The following ARHGAP39 variants were observed in gnomAD, a reference collection of about 807,000 sequenced individuals.
ARHGAP39 encodes the protein rho GTPase-activating protein 39.
Under a neutral mutation model 106.9 loss-of-function variants are expected in ARHGAP39, and 44 were observed. That is an observed-to-expected ratio of 0.41 (90% CI 0.32 to 0.53). The LOEUF is 0.53. Among genes scored for constraint, ARHGAP39 ranks in the 20% least tolerant of loss-of-function variants. The pLI is 0.21. For missense variants in ARHGAP39, 1,496 were observed against 1,577.3 expected (o/e 0.95, Z 0.87); for synonymous variants, 768 against 693.2 (o/e 1.11, Z -1.69).
At chr8:144,603,247 G>C (rs537935827) in intron 2 of ARHGAP39, among the ~76,000 whole-genome samples, 1 of 151,658 alleles carries the variant, frequency 6.6e-6, no homozygotes, top group East Asian at 1.9e-4. Context: ...GCGTGCGTGT[G>C]TGCTCGTGTA....
At chr8:144,609,647 C>T (rs551324381) in intron 1 of ARHGAP39, among the ~76,000 whole-genome samples, 14 of 152,120 alleles carry the variant, frequency 9.2e-5, no homozygotes, top group African/African-American at 2.4e-4. Context: ...CATGATCCAC[C>T]GCCTCAGCCT....
At chr8:144,532,896 C>A (rs1422469687) in intron 9 of ARHGAP39, among the ~76,000 whole-genome samples, 5 of 152,228 alleles carry the variant, frequency 3.3e-5, no homozygotes, top group Non-Finnish European at 7.3e-5. Flanking sequence ...GCAGGGGCGC[C>A]CTCCCTGGCT....
intron 3 of ARHGAP39, 53 bp from the exon 4 acceptor site, chr8:144,555,696 T>C (rs1817891050): frequency 1.3e-6 from 2 of 1,495,102 alleles, no homozygotes; most frequent in Non-Finnish European, 1.9e-6. Flanking sequence ...TCGTTTACCA[T>C]AACCAGCCAC....
At chr8:144,638,998 CT>C (rs1171935773) in intron 1 of ARHGAP39, among the ~76,000 whole-genome samples, 1 of 152,186 alleles carries the variant, frequency 6.6e-6, no homozygotes, top group Non-Finnish European at 1.5e-5. Context: ...CTCTGCCACC[CT>C]TACCTGGAAG....
intron 1 of ARHGAP39, among the ~76,000 whole-genome samples, chr8:144,635,637 G>A (rs1821154252): frequency 6.6e-6 from 1 of 152,234 alleles, no homozygotes; most frequent in African/African-American, 2.4e-5. Context: ...CTTGTGATGG[G>A]CACTGGAAGT....
intron 2 of ARHGAP39, among the ~76,000 whole-genome samples, chr8:144,592,926 G>A (rs1373725127): frequency 3.3e-5 from 5 of 152,158 alleles, no homozygotes; most frequent in South Asian, 2.1e-4. Flanking sequence ...CTCGCGCCTC[G>A]GCCCTCCACC....
chr8:144,544,497 T>C (rs372196344), intron 6 of ARHGAP39, among the ~76,000 whole-genome samples: 170 of 152,346 alleles, frequency 1.1e-3, no homozygotes, highest in Non-Finnish European at 1.9e-3. Context: ...TGTGTGTGTG[T>C]GCGCGTGCAT....
chr8:144,609,822 A>T (rs1015154847), intron 1 of ARHGAP39, among the ~76,000 whole-genome samples: 3 of 152,200 alleles, frequency 2.0e-5, no homozygotes, highest in Non-Finnish European at 2.9e-5. Context: ...TGGTTTTGCT[A>T]TCAGAGTAAT....
At position 144,545,671 on chromosome 8, in the gene ARHGAP39, T is replaced by C. The variant is rs1817385383; in HGVS notation, c.2099A>G (p.Lys700Arg). The C allele has an allele frequency of 1.1e-5, 18 of 1,613,400 alleles. No homozygotes were observed. Among genetic ancestry groups the C allele is most frequent in the East Asian group, 2.2e-5 (1 of 44,906 alleles). ...GCCCTGCGTGTGCTTGTTGAAGTGC[T>C]TGGAGGCCCAGTTCTCGATGTCCGT... ...SETDIENWAS[K>R]HFNKHTQGLF... The change falls in exon 6 of 12, where the codon AAG becomes AGG. Residue 700 changes from lysine to arginine, a missense_variant. Lys to Arg is a conservative substitution (Grantham distance 26, BLOSUM62 2). Transcript: ENST00000377307.
In ARHGAP39 at chr8:144,641,484, G is replaced by A. The variant is rs923281740; in HGVS notation, c.-81-35789C>T. Among the ~76,000 whole-genome samples the A allele has an allele frequency of 8.6e-5, 13 of 151,154 alleles. No individual in the cohort carries two copies. Among genetic ancestry groups the A allele is most frequent in the East Asian group, 2.0e-4 (1 of 5,106 alleles). On this transcript the variant is annotated intron_variant, in intron 1 of 11. Coordinates refer to ENST00000377307, the MANE Select transcript of ARHGAP39 (RefSeq NM_025251.3). The surrounding 1 kb of genome is among the most constrained non-coding windows in gnomAD (Gnocchi z 5.2). ...AGTGGCGCCCAGGTGGCCAACTCCC[G>A]AGGCAGGAGCTCAGGCAGGGCCCTG...
At chr8:144,542,715 G>A (rs1817247552) in intron 6 of ARHGAP39, among the ~76,000 whole-genome samples, 1 of 151,406 alleles carries the variant, frequency 6.6e-6, no homozygotes, top group Non-Finnish European at 1.5e-5. Context: ...CAGGTGGGTG[G>A]ATCAACTCAG....
chr8:144,637,000 A>G lies in ARHGAP39; in HGVS notation c.-81-31305T>C, dbSNP rs922585045. On this transcript the variant is annotated intron_variant, in intron 1 of 11. Transcript: ENST00000377307. ...CTGTGTCTTTCTGGAAGCTTTCCGA[A>G]TCTTCAATCTGTTCTCAGGGTCTAG... is the stretch of plus-strand genomic sequence containing the variant. 5.3e-5 allele frequency among the ~76,000 whole-genome samples: 8 copies of G among 152,248 alleles called. No individual in the cohort carries two copies. In the East Asian group the frequency reaches 7.7e-4, roughly 15 times the overall value.
Position 144,548,306 on chromosome 8 carries a change from C to T in ARHGAP39, c.780G>A (p.Glu260=). ...HSPSLQTFAP[E]ADGTIFFPER... ...CTGGGAAGAAGATGGTGCCGTCAGC[C>T]TCCGGGGCGAAGGTCTGCAGGCTGG... Residue 260 remains glutamate, a synonymous_variant, in exon 5 of 12, where the codon GAG becomes GAA. Transcript: ENST00000377307. This position sits in a 1 kb window ranked among gnomAD's most constrained non-coding sequence, Gnocchi z 7.4. The T allele has an allele frequency of 6.2e-7, 1 of 1,608,760 alleles. No individual in the cohort carries two copies. Among genetic ancestry groups the T allele is most frequent in the Non-Finnish European group, 8.5e-7 (1 of 1,177,284 alleles).
intron 1 of ARHGAP39, among the ~76,000 whole-genome samples, chr8:144,677,897 T>C (rs1373995138): frequency 6.6e-6 from 1 of 152,012 alleles, no homozygotes; most frequent in Non-Finnish European, 1.5e-5. Flanking sequence ...GAAGCAAAAA[T>C]AGAGAATCTG....
chr8:144,571,892 A>T (rs1818600462), intron 3 of ARHGAP39, among the ~76,000 whole-genome samples: 1 of 152,232 alleles, frequency 6.6e-6, no homozygotes, highest in South Asian at 2.1e-4. Context: ...ATTACTACAA[A>T]GAGAATAAAA....
At chr8:144,682,040 G>A (rs1201079598) in intron 1 of ARHGAP39, among the ~76,000 whole-genome samples, 4 of 152,000 alleles carry the variant, frequency 2.6e-5, no homozygotes, top group Admixed American at 6.6e-5. Flanking sequence ...AGGCCGAGGC[G>A]GGCAGATCAC....
At chr8:144,655,228 A>G (rs761984093) in intron 1 of ARHGAP39, among the ~76,000 whole-genome samples, 43 of 152,092 alleles carry the variant, frequency 2.8e-4, no homozygotes, top group Non-Finnish European at 5.3e-4. Flanking sequence ...CTGGAGTGGG[A>G]AGTTGTGGTG....
At chr8:144,578,977 T>G (rs1016003941) in intron 3 of ARHGAP39, among the ~76,000 whole-genome samples, 3 of 150,618 alleles carry the variant, frequency 2.0e-5, no homozygotes, top group African/African-American at 7.3e-5. Context: ...GGGAGGTGGG[T>G]GGATCACGAG....
At chr8:144,544,705 G>C (rs115761995) in intron 6 of ARHGAP39, among the ~76,000 whole-genome samples, 8 of 152,238 alleles carry the variant, frequency 5.3e-5, no homozygotes, top group African/African-American at 1.9e-4. Context: ...TGTGATGATG[G>C]CTCCGACGTG....
Sources: gnomAD v4.1 joint callset for allele counts (sites outside exome capture counted in the v4.1 genomes callset) on GRCh38, gnomAD v4.1.1 for gene constraint, Gnocchi (gnomAD v3.1) non-coding constraint, MANE v1.5 for transcripts, NCBI Gene and HGNC (gene_info 2026-07-23, HGNC 2026-07-21) for gene names.